PLXNB1: variants seen among roughly 807,000 people sequenced by gnomAD.
PLXNB1 encodes plexin B1, also known as plexin-B1.
In PLXNB1, 106 loss-of-function variants were observed where a neutral mutation model predicts 209.4. The ratio of observed to expected loss-of-function variants is 0.51; its 90% CI spans 0.43 to 0.59. The LOEUF is 0.59. PLXNB1 is among the 20% of genes least tolerant of loss of function. The pLI, the probability that PLXNB1 is intolerant of heterozygous loss-of-function variation, is 0.00. For missense variants in PLXNB1, 2,357 were observed against 2,853.2 expected (o/e 0.83, Z 3.96); for synonymous variants, 1,167 against 1,183.2 (o/e 0.99, Z 0.28).
In PLXNB1 at chr3:48,411,068, C is replaced by A; in HGVS notation, c.5248-32G>T. ...AGGACACACAGGAGCCATCAGGGTT[C>A]ATGTGCACTCAGGATGACCAAGACA... On this transcript the variant is annotated intron_variant, in intron 28 of 37. Transcript: ENST00000296440. The surrounding 1 kb of genome is among the most constrained non-coding windows in gnomAD (Gnocchi z 4.0). The A allele has an allele frequency of 6.3e-7, 1 of 1,585,864 alleles. No homozygotes were observed. Among genetic ancestry groups the A allele is most frequent in the South Asian group, 1.1e-5 (1 of 88,494 alleles).
In PLXNB1 at chr3:48,424,509, G is replaced by A. The variant is rs756045167; in HGVS notation, c.103C>T (p.Leu35=). ...PTAFTPNGTY[L]QHLARDPTSG... Reference sequence around the variant, plus strand: ...GTGGGGTCCCTTGCCAGGTGCTGCAGATACGTGCCATTGGGAGTGAATGCA... The same window carrying A: ...GTGGGGTCCCTTGCCAGGTGCTGCAAATACGTGCCATTGGGAGTGAATGCA... The change falls in exon 3 of 38, where the codon CTG becomes TTG. Residue 35 remains leucine, a synonymous_variant. Transcript: ENST00000296440. 1.1e-5 allele frequency: 17 copies of A among 1,602,366 alleles called. No individual in the cohort carries two copies. The highest frequency in any genetic ancestry group is 1.7e-5 in the Admixed American group (1 of 58,684).
chr3:48,417,190 C>T lies in PLXNB1; in HGVS notation c.3374+721G>A, dbSNP rs1461409839. 6.6e-6 allele frequency among the ~76,000 whole-genome samples: 1 copy of T among 152,210 alleles called. No homozygotes were observed. The highest frequency in any genetic ancestry group is 1.5e-5 in the Non-Finnish European group (1 of 68,038). ...GTCATAACACATTCAGGGGACACTC[C>T]GTGCTCCAGGAGAGTGGTTCCTTGT... On this transcript the variant is annotated intron_variant, in intron 16 of 37. Transcript: ENST00000296440. The surrounding 1 kb of genome is among the most constrained non-coding windows in gnomAD (Gnocchi z 4.4).
Position 48,420,156 on chromosome 3 carries a change from GGGAA to G in PLXNB1, c.2126_2129del (p.Leu709ProfsTer88). ...CTGTGGAGGGAGCCCCAGGCTCCAC[GGGAA>G]GGGTGTCAGGAGCAGGGGTGGCCAG... On this transcript the variant is annotated frameshift_variant, in exon 11 of 38. Coordinates refer to ENST00000296440, the MANE Select transcript of PLXNB1 (RefSeq NM_001130082.3). LOFTEE classifies it high-confidence loss of function. The G allele has an allele frequency of 6.2e-7, 1 of 1,607,368 alleles. No homozygotes were observed.
At chr3:48,428,409 C>A (rs1485053635) in intron 1 of PLXNB1, among the ~76,000 whole-genome samples, 1 of 152,144 alleles carries the variant, frequency 6.6e-6, no homozygotes, top group Admixed American at 6.5e-5. Context: ...CCTGGAGTCT[C>A]TTCTGGGGCC....
chr3:48,418,827 T>G lies in PLXNB1; in HGVS notation c.2955+90A>C. 6.6e-7 allele frequency: 1 copy of G among 1,524,984 alleles called. No homozygotes were observed. 94.5% of individuals were successfully genotyped at this position (1,524,984 alleles called of 1,614,324 possible). ...GGGCGACACGGTCAGAGCGTGGCTC[T>G]GGAAAGTGTGGTGCAGCCAGCTACA... On this transcript the variant is annotated intron_variant, in intron 13 of 37. Transcript: ENST00000296440. This position sits in a 1 kb window ranked among gnomAD's most constrained non-coding sequence, Gnocchi z 6.6.
Position 48,421,753 on chromosome 3 carries a change from C to T in PLXNB1, c.1574G>A (p.Trp525Ter). ...SRGQGPEQWL[W>*]SFQPELGCLQ... Reference sequence around the variant, plus strand: ...ACAGCCCAGCTCAGGCTGGAAGCTCCATAGCCACTGCTCTGGGCCCTGGCC... The same window carrying T: ...ACAGCCCAGCTCAGGCTGGAAGCTCTATAGCCACTGCTCTGGGCCCTGGCC... Residue 525 changes from tryptophan to a stop codon, truncating the protein, a stop_gained, in exon 7 of 38, where the codon TGG (tryptophan) becomes TAG (stop). Transcript: ENST00000296440. LOFTEE classifies it high-confidence loss of function. 2 of 1,610,444 alleles carry T rather than the reference C, an allele frequency of 1.2e-6. No homozygotes were observed. Among genetic ancestry groups the T allele is most frequent in the Non-Finnish European group, 1.7e-6 (2 of 1,177,118 alleles).
At position 48,411,151 on chromosome 3, in the gene PLXNB1, C is replaced by T; in HGVS notation, c.5248-115G>A. The stretch of plus-strand genomic sequence containing the variant: ...TGCTGCCTCCAATCCCCACGCACCA[C>T]ACAATCCCTAATTCTCGTCTCTTCA... On this transcript the variant is annotated intron_variant, in intron 28 of 37. Coordinates refer to ENST00000296440, the MANE Select transcript of PLXNB1 (RefSeq NM_001130082.3). The surrounding 1 kb of genome is among the most constrained non-coding windows in gnomAD (Gnocchi z 4.0). 3 of 843,722 alleles carry T rather than the reference C, an allele frequency of 3.6e-6. No homozygotes were observed. The highest frequency in any genetic ancestry group is 3.6e-6 in the Non-Finnish European group (2 of 553,886). The allele number at this position is 843,722 out of a possible 1,614,324, so 52.3% of individuals were successfully genotyped here.
intron 3 of PLXNB1, 102 bp from the exon 4 acceptor site, chr3:48,423,049 T>C (rs2038640453): frequency 9.9e-7 from 1 of 1,006,422 alleles, no homozygotes; most frequent in Admixed American, 2.2e-5. Context: ...CTCTGGTAGC[T>C]CTCCCTGTAC....
rs1057301399 is a variant in PLXNB1, at chr3:48,406,969, C to A, written c.6152+58G>T. 2.4e-5 allele frequency: 38 copies of A among 1,604,096 alleles called. No individual in the cohort carries two copies. Among genetic ancestry groups the A allele is most frequent in the Non-Finnish European group, 3.2e-5 (38 of 1,171,320 alleles). ...CTCCCCTGCTCCCAACCAGAGCCCA[C>A]CCCCCAAGCCTCAGCTGCACACGCC... On this transcript the variant is annotated intron_variant, in intron 35 of 37. Coordinates refer to ENST00000296440, the MANE Select transcript of PLXNB1 (RefSeq NM_001130082.3). The surrounding 1 kb of genome is among the most constrained non-coding windows in gnomAD (Gnocchi z 4.4).
In PLXNB1 at chr3:48,409,984, C is replaced by T. The variant is rs2106764367; in HGVS notation, c.5699G>A (p.Arg1900Lys). 1 of 1,612,818 alleles carries T rather than the reference C, an allele frequency of 6.2e-7. No individual in the cohort carries two copies. Among genetic ancestry groups the T allele is most frequent in the East Asian group, 2.2e-5 (1 of 44,850 alleles). The change falls in exon 32 of 38, where the codon AGG (arginine) becomes AAG (lysine). Residue 1900 changes from arginine to lysine, a missense_variant. Around this residue, in one of 7 missense-constraint regions of PLXNB1, gnomAD observed 414 missense variants for 520.5 expected, o/e 0.80. Transcript: ENST00000296440. This position sits in a 1 kb window ranked among gnomAD's most constrained non-coding sequence, Gnocchi z 5.8. ...ACGCTCCCCGCCCCGAAGGCTGCCC[C>T]TCCGAGGCCTGGGCGGCTCCGGCTC... Reference protein sequence around the residue: ...SDEPEPPRPRRGSLRGGERER... With the variant: ...SDEPEPPRPRKGSLRGGERER...
In PLXNB1 at chr3:48,414,992, G is replaced by A; in HGVS notation, c.4016C>T (p.Thr1339Ile). The change falls in exon 21 of 38, where the codon ACA becomes ATA. Residue 1339 changes from threonine (T) to isoleucine (I), a missense_variant. Physicochemically the swap from Thr to Ile is moderately conservative, Grantham distance 89 (BLOSUM62 -1). Transcript: ENST00000296440. ...VNSSQLITCRTPALPGLPEDP... is the reference protein window; with the variant it reads ...VNSSQLITCRIPALPGLPEDP... ...CTCAGGCAGGCCTGGGAGGGCAGGT[G>A]TGCGGCACGTGATGAGCTGGGAGGA... The A allele has an allele frequency of 1.2e-6, 2 of 1,613,702 alleles. No homozygotes were observed. The highest frequency in any genetic ancestry group is 8.5e-7 in the Non-Finnish European group (1 of 1,180,030).
Position 48,410,562 on chromosome 3 carries a change from C to T in PLXNB1, c.5417-4G>A. On this transcript the variant is annotated splice_region_variant and splice_polypyrimidine_tract_variant and intron_variant, in intron 29 of 37. Coordinates refer to ENST00000296440, the MANE Select transcript of PLXNB1 (RefSeq NM_001130082.3). The surrounding 1 kb of genome is among the most constrained non-coding windows in gnomAD (Gnocchi z 6.4). ...CCGGCCACCCCAGACCGCCACTCTGCAAGGGCAAGGCAGAACTGGGTGCAG... is the reference window on the plus strand; with the variant it reads ...CCGGCCACCCCAGACCGCCACTCTGTAAGGGCAAGGCAGAACTGGGTGCAG... The T allele has an allele frequency of 6.2e-7, 1 of 1,611,618 alleles. No homozygotes were observed. Among genetic ancestry groups the T allele is most frequent in the South Asian group, 1.1e-5 (1 of 91,002 alleles).
At chr3:48,428,544 G>A (rs972520133) in intron 1 of PLXNB1, among the ~76,000 whole-genome samples, 1 of 152,158 alleles carries the variant, frequency 6.6e-6, no homozygotes, top group Non-Finnish European at 1.5e-5. Context: ...CCGCCATTCC[G>A]CACCTGCAGA....
At position 48,421,260 on chromosome 3, in the gene PLXNB1, G is replaced by A. The variant is rs538151161; in HGVS notation, c.1778C>T (p.Pro593Leu). The A allele has an allele frequency of 1.2e-6, 2 of 1,613,094 alleles. No homozygotes were observed. Among genetic ancestry groups the A allele is most frequent in the Admixed American group, 3.3e-5 (2 of 59,816 alleles). ...TCTCGGCAGCACTGGGGCCTCACTAGGGTCTGGGGAGGGGCACATCACACC... is the reference window on the plus strand; with the variant it reads ...TCTCGGCAGCACTGGGGCCTCACTAAGGTCTGGGGAGGGGCACATCACACC... ...GSGVMCPSPDPSEAPVLPRGA... is the reference protein window; with the variant it reads ...GSGVMCPSPDLSEAPVLPRGA... Residue 593 changes from proline to leucine, a missense_variant, in exon 8 of 38, where the codon CCT becomes CTT. Around this residue, in one of 7 missense-constraint regions of PLXNB1, gnomAD observed 214 missense variants for 297.1 expected, o/e 0.72. Coordinates refer to ENST00000296440, the MANE Select transcript of PLXNB1 (RefSeq NM_001130082.3).
At position 48,422,361 on chromosome 3, in the gene PLXNB1, A is replaced by T; in HGVS notation, c.1389T>A (p.Phe463Leu). Residue 463 changes from phenylalanine (F) to leucine (L), a missense_variant, in exon 5 of 38, where the codon TTT (phenylalanine) becomes TTA (leucine). Transcript: ENST00000296440. The part of the protein sequence containing the change: ...VSRDLTFDGT[F>L]EHLYVMTQST... ...TCTGGGTCATGACATACAGGTGCTCAAAGGTCCCATCAAAGGTGAGGTCTC... is the reference window on the plus strand; with the variant it reads ...TCTGGGTCATGACATACAGGTGCTCTAAGGTCCCATCAAAGGTGAGGTCTC... 1 of 1,610,130 alleles carries T rather than the reference A, an allele frequency of 6.2e-7. No homozygotes were observed. Among genetic ancestry groups the T allele is most frequent in the African/African-American group, 1.3e-5 (1 of 74,970 alleles).
chr3:48,410,733 T>C lies in PLXNB1; in HGVS notation c.5416+135A>G. On this transcript the variant is annotated intron_variant, in intron 29 of 37. Transcript: ENST00000296440. The surrounding 1 kb of genome is among the most constrained non-coding windows in gnomAD (Gnocchi z 6.4). ...CAGATGAGAGGCTGTCCAAGAAAGA[T>C]GTTCCAAAGCCAGCTTCTGCCTGCC... 1 of 1,007,572 alleles carries C rather than the reference T, an allele frequency of 9.9e-7. No homozygotes were observed. 62.4% of individuals were successfully genotyped at this position (1,007,572 alleles called of 1,614,324 possible).
Position 48,415,638 on chromosome 3 carries a change from T to G in PLXNB1, c.3739A>C (p.Lys1247Gln). 1 of 1,582,088 alleles carries G rather than the reference T, an allele frequency of 6.3e-7. No homozygotes were observed. The highest frequency in any genetic ancestry group is 2.3e-5 in the East Asian group (1 of 43,880). ...GTGATGTTGGGGTCCAAGGTATACT[T>G]GAACTGTCCGCGTTGAAGCCTCCGC... ...TERRLQRGQF[K>Q]YTLDPNITSA... Residue 1247 changes from lysine to glutamine, a missense_variant, in exon 19 of 38, where the codon AAG becomes CAG. By Grantham distance (53) the Lys-to-Gln change is moderately conservative. Around this residue, in one of 7 missense-constraint regions of PLXNB1, gnomAD observed 743 missense variants for 896.2 expected, o/e 0.83. Coordinates refer to ENST00000296440, the MANE Select transcript of PLXNB1 (RefSeq NM_001130082.3). This position sits in a 1 kb window ranked among gnomAD's most constrained non-coding sequence, Gnocchi z 5.0.
At position 48,423,559 on chromosome 3, in the gene PLXNB1, G is replaced by T. The variant is rs9841713; in HGVS notation, c.1053C>A (p.Thr351=). Residue 351 remains threonine, a synonymous_variant, in exon 3 of 38, where the codon ACC becomes ACA. Coordinates refer to ENST00000296440, the MANE Select transcript of PLXNB1 (RefSeq NM_001130082.3). ...CATCATACTCGATGTAGGCCACCTC[G>T]GTCCCATCCTCAGCACGACCCTCCC... ...YTREGRAEDG[T]EVAYIEYDVN... 5 of 1,614,112 alleles carry T rather than the reference G, an allele frequency of 3.1e-6. No homozygotes were observed. The highest frequency in any genetic ancestry group is 4.2e-6 in the Non-Finnish European group (5 of 1,180,014).
chr3:48,419,716 C>T lies in PLXNB1; in HGVS notation c.2570G>A (p.Gly857Glu), dbSNP rs780635611. The T allele has an allele frequency of 6.2e-7, 1 of 1,611,782 alleles. No individual in the cohort carries two copies. Among genetic ancestry groups the T allele is most frequent in the Admixed American group, 1.7e-5 (1 of 59,880 alleles). The change falls in exon 11 of 38, where the codon GGG becomes GAG. Residue 857 changes from glycine to glutamate, a missense_variant. Around this residue, in one of 7 missense-constraint regions of PLXNB1, gnomAD observed 410 missense variants for 401.0 expected, o/e 1.02. Coordinates refer to ENST00000296440, the MANE Select transcript of PLXNB1 (RefSeq NM_001130082.3). This position sits in a 1 kb window ranked among gnomAD's most constrained non-coding sequence, Gnocchi z 5.7. Reference sequence around the variant, plus strand: ...AGTGGAGAAGGCGGGTGCGTCACCCCCCGTCCACTCGTCCGCCTCGGGCAG... The same window carrying T: ...AGTGGAGAAGGCGGGTGCGTCACCCTCCGTCCACTCGTCCGCCTCGGGCAG... ...GELPEADEWT[G>E]GDAPAFSTST...
Sources: gnomAD v4.1 joint callset for allele counts (sites outside exome capture counted in the v4.1 genomes callset) on GRCh38, gnomAD v4.1.1 for gene constraint, gnomAD v4.1.1 regional missense constraint, Gnocchi (gnomAD v3.1) non-coding constraint, MANE v1.5 for transcripts, NCBI Gene and HGNC (gene_info 2026-07-23, HGNC 2026-07-21) for gene names.